APBB2: variants seen among roughly 807,000 people sequenced by gnomAD.
APBB2 encodes amyloid beta precursor protein binding family B member 2.
Under a neutral mutation model 82.5 loss-of-function variants are expected in APBB2, and 38 were observed. The ratio of observed to expected loss-of-function variants is 0.46; its 90% CI spans 0.36 to 0.60. The LOEUF (loss-of-function observed/expected upper bound fraction) is 0.60, where lower values mean the gene tolerates loss of function less well. APBB2 is among the 20% of genes least tolerant of loss of function. The pLI is 0.00. For synonymous variants in APBB2, 341 were observed against 368.2 expected, an observed-to-expected ratio of 0.93 and a Z score of 0.85; for missense variants, 772 against 972.3, an observed-to-expected ratio of 0.79 and a Z score of 2.74.
chr4:41,141,514 C>T (rs1034728782), intron 2 of APBB2, among the ~76,000 whole-genome samples: 3 of 152,148 alleles, frequency 2.0e-5, no homozygotes, highest in Admixed American at 6.5e-5. Context: ...GAAAAACTGC[C>T]ACTAGCAGCT....
At chr4:40,859,133 T>C (rs1001699063) in intron 12 of APBB2, among the ~76,000 whole-genome samples, 3 of 152,146 alleles carry the variant, frequency 2.0e-5, no homozygotes, top group African/African-American at 7.2e-5. Flanking sequence ...ACAGGGTACG[T>C]CAAGTGTGAC....
At chr4:40,851,663 C>T (rs1759402890) in intron 12 of APBB2, among the ~76,000 whole-genome samples, 2 of 151,018 alleles carry the variant, frequency 1.3e-5, no homozygotes, top group South Asian at 4.2e-4. Flanking sequence ...TCAAGTCACT[C>T]CTGCCCTTTC....
At chr4:40,963,411 T>C (rs1179072694) in intron 6 of APBB2, among the ~76,000 whole-genome samples, 1 of 152,070 alleles carries the variant, frequency 6.6e-6, no homozygotes, top group Admixed American at 6.5e-5. Flanking sequence ...CACACCCAAC[T>C]ATGTTTTTTG....
In APBB2 at chr4:40,934,673, C is replaced by A; in HGVS notation, c.1134G>T (p.Pro378=). 2 of 1,613,896 alleles carry A rather than the reference C, an allele frequency of 1.2e-6. No individual in the cohort carries two copies. Among genetic ancestry groups the A allele is most frequent in the Non-Finnish European group, 1.7e-6 (2 of 1,179,836 alleles). ...WKDLHAATVN[P]DPSLKEFEGA... The stretch of plus-strand genomic sequence containing the variant: ...CTTCAAACTCTTTTAAACTGGGGTC[C>A]GGGTTAACAGTGGCTGCATGCAAAT... The change falls in exon 9 of 18, where the codon CCG becomes CCT. Residue 378 remains proline, a synonymous_variant. Coordinates refer to ENST00000508593, the MANE Select transcript of APBB2 (RefSeq NM_004307.2).
chr4:40,906,569 G>A (rs906919101), intron 10 of APBB2, among the ~76,000 whole-genome samples: 2 of 151,970 alleles, frequency 1.3e-5, no homozygotes, highest in Non-Finnish European at 2.9e-5. Flanking sequence ...CAATGAGGAG[G>A]GAGGAAACTT....
At chr4:40,925,483 G>A (rs779541531) in intron 10 of APBB2, among the ~76,000 whole-genome samples, 2 of 152,148 alleles carry the variant, frequency 1.3e-5, no homozygotes, top group Non-Finnish European at 2.9e-5. Context: ...TCTGGGTCCA[G>A]AGTCCATGCT....
chr4:41,090,599 A>AT (rs1741333897), intron 3 of APBB2, among the ~76,000 whole-genome samples: 1 of 152,174 alleles, frequency 6.6e-6, no homozygotes, highest in South Asian at 2.1e-4. Flanking sequence ...TGCTGTAAAG[A>AT]TTTTTTAAAA....
At chr4:40,928,979 G>C (rs1211909892) in intron 10 of APBB2, among the ~76,000 whole-genome samples, 8 of 149,362 alleles carry the variant, frequency 5.4e-5, no homozygotes, top group Non-Finnish European at 3.0e-5. Flanking sequence ...TCCTGGAACA[G>C]AGAAGGGCAT....
chr4:40,916,230 C>T (rs1039150303), intron 10 of APBB2, among the ~76,000 whole-genome samples: 5 of 152,132 alleles, frequency 3.3e-5, no homozygotes, highest in Non-Finnish European at 7.3e-5. Flanking sequence ...CACAGTCAGC[C>T]ACAGACTGGA....
intron 6 of APBB2, among the ~76,000 whole-genome samples, chr4:40,986,365 C>T (rs191860959): frequency 1.3e-5 from 2 of 152,324 alleles, no homozygotes; most frequent in African/African-American, 4.8e-5. Context: ...AGTTTTCTAT[C>T]CTTCTTCACA....
intron 12 of APBB2, among the ~76,000 whole-genome samples, chr4:40,839,537 AATT>A (rs1274566079): frequency 1.3e-5 from 2 of 152,166 alleles, no homozygotes; most frequent in Non-Finnish European, 2.9e-5. Context: ...TTATTGAGGG[AATT>A]TGTGAAGGCT....
chr4:40,836,696 C>T (rs1217212084), intron 12 of APBB2, among the ~76,000 whole-genome samples: 1 of 152,134 alleles, frequency 6.6e-6, no homozygotes, highest in Non-Finnish European at 1.5e-5. Flanking sequence ...CTTTCCAGAA[C>T]AGTGGGAGAC....
intron 4 of APBB2, among the ~76,000 whole-genome samples, chr4:41,062,337 TA>T (rs1454438680): frequency 2.3e-5 from 2 of 87,644 alleles, no homozygotes; most frequent in Admixed American, 1.3e-4. Context: ...CACACCCAGC[TA>T]ATTTTTGTAT....
At chr4:41,191,586 G>C (rs1004755333) in intron 1 of APBB2, among the ~76,000 whole-genome samples, 1 of 151,954 alleles carries the variant, frequency 6.6e-6, no homozygotes, top group Non-Finnish European at 1.5e-5. Flanking sequence ...GACAAAACTG[G>C]ACCCTTATCT....
chr4:40,949,874 T>C (rs964365741), intron 6 of APBB2, among the ~76,000 whole-genome samples: 3 of 152,206 alleles, frequency 2.0e-5, no homozygotes, highest in African/African-American at 7.2e-5. Flanking sequence ...CTTAGTTTGC[T>C]GTGGGAATAC....
chr4:41,088,573 G>A (rs1012272569), intron 3 of APBB2, among the ~76,000 whole-genome samples: 2 of 152,230 alleles, frequency 1.3e-5, no homozygotes, highest in Admixed American at 6.5e-5. Context: ...CTTGGGAGAA[G>A]GAAGGAGGAA....
chr4:41,030,080 C>T (rs1716110260), intron 5 of APBB2, among the ~76,000 whole-genome samples: 4 of 152,028 alleles, frequency 2.6e-5, no homozygotes, highest in African/African-American at 7.2e-5. Flanking sequence ...CACTTGAACC[C>T]GGGGGGCGAA....
intron 6 of APBB2, among the ~76,000 whole-genome samples, chr4:40,986,348 T>C (rs1260716439): frequency 6.6e-6 from 1 of 152,236 alleles, no homozygotes; most frequent in African/African-American, 2.4e-5. Flanking sequence ...GAGCTACATT[T>C]CTCAGTAGTT....
chr4:40,859,651 G>A (rs1762286052), intron 12 of APBB2, among the ~76,000 whole-genome samples: 1 of 152,320 alleles, frequency 6.6e-6, no homozygotes, highest in African/African-American at 2.4e-5. Flanking sequence ...GAGTATCCAT[G>A]CTCGAACCTT....
Sources: allele counts gnomAD v4.1 joint callset (sites outside exome capture counted in the v4.1 genomes callset), GRCh38; gene constraint gnomAD v4.1.1; transcripts MANE v1.5; gene names NCBI Gene and HGNC (gene_info 2026-07-23, HGNC 2026-07-21).